Variants in DLG2 observed in about 807,000 individuals in gnomAD.
The protein encoded by DLG2 is disks large homolog 2.
Under a neutral mutation model 132.5 loss-of-function variants are expected in DLG2, and 45 were observed. The ratio of observed to expected loss-of-function variants is 0.34; its 90% confidence interval spans 0.27 to 0.44. The LOEUF (loss-of-function observed/expected upper bound fraction) is 0.44. Among genes scored for constraint, DLG2 ranks in the 20% least tolerant of loss-of-function variants. DLG2 has a pLI of 1.00. For missense variants in DLG2, 1,045 were observed against 1,196.9 expected (o/e 0.87, Z 1.87); for synonymous variants, 424 against 419.6 (o/e 1.01, Z -0.13).
chr11:84,681,155 G>C (rs1400038902), intron 6 of DLG2, among the ~76,000 whole-genome samples: 1 of 152,130 alleles, frequency 6.6e-6, no homozygotes, highest in Non-Finnish European at 1.5e-5. Context: ...AAGTCAATTT[G>C]AGAAATGTAT....
chr11:85,263,185 A>T (rs1260069869), intron 4 of DLG2, among the ~76,000 whole-genome samples: 3 of 152,240 alleles, frequency 2.0e-5, no homozygotes, highest in Non-Finnish European at 4.4e-5. Flanking sequence ...CTGCATGAGC[A>T]ACCCCAGGTC....
chr11:84,990,361 A>C (rs2154124717), intron 6 of DLG2, among the ~76,000 whole-genome samples: 1 of 152,328 alleles, frequency 6.6e-6, no homozygotes, highest in South Asian at 2.1e-4. Context: ...TCACAAAGGC[A>C]AAGCCCTCAT....
At chr11:84,040,771 G>A (rs2096054343) in intron 11 of DLG2, among the ~76,000 whole-genome samples, 1 of 151,130 alleles carries the variant, frequency 6.6e-6, no homozygotes, top group African/African-American at 2.4e-5. Flanking sequence ...GTCATTGGTA[G>A]CTTGATGGGG....
intron 3 of DLG2, among the ~76,000 whole-genome samples, chr11:85,347,841 T>A (rs1186169769): frequency 6.9e-6 from 1 of 145,124 alleles, no homozygotes; most frequent in Non-Finnish European, 1.5e-5. Flanking sequence ...TCTCACTCTG[T>A]CACCCAGGCT....
At chr11:83,499,851 A>C in intron 21 of DLG2, among the ~76,000 whole-genome samples, 1 of 56,388 alleles carries the variant, frequency 1.8e-5, no homozygotes, top group Non-Finnish European at 3.3e-5. Context: ...CACTAATAGG[A>C]GATATATATA....
chr11:84,603,322 TAAATGAAA>T (rs2099579988), intron 6 of DLG2, among the ~76,000 whole-genome samples: 1 of 151,956 alleles, frequency 6.6e-6, no homozygotes, highest in Admixed American at 6.6e-5. Context: ...TATATATTTC[TAAATGAAA>T]AAATGAATAA....
intron 9 of DLG2, among the ~76,000 whole-genome samples, chr11:84,132,931 T>C (rs2094471518): frequency 6.6e-6 from 1 of 151,962 alleles, no homozygotes; most frequent in South Asian, 2.1e-4. Context: ...AAACAGGAAA[T>C]GGAGAAAAGT....
intron 6 of DLG2, among the ~76,000 whole-genome samples, chr11:84,561,964 T>C (rs564234240): frequency 5.3e-4 from 81 of 152,254 alleles, no homozygotes; most frequent in African/African-American, 1.9e-3. Flanking sequence ...TTCTCAATCT[T>C]GATTTATACT....
intron 6 of DLG2, among the ~76,000 whole-genome samples, chr11:84,719,770 G>C (rs948261035): frequency 6.6e-6 from 1 of 152,106 alleles, no homozygotes; most frequent in Non-Finnish European, 1.5e-5. Context: ...TGTATAAAAG[G>C]GAAAAGCATG....
intron 21 of DLG2, among the ~76,000 whole-genome samples, chr11:83,528,993 C>T (rs912199957): frequency 3.3e-5 from 5 of 152,020 alleles, no homozygotes; most frequent in Admixed American, 1.3e-4. Context: ...TCTTATAGCT[C>T]GTGTACATAC....
intron 6 of DLG2, among the ~76,000 whole-genome samples, chr11:85,034,005 G>A (rs144575396): frequency 4.0e-4 from 61 of 152,148 alleles, no homozygotes; most frequent in Non-Finnish European, 7.1e-4. Flanking sequence ...AGGACTTTGG[G>A]GGTTCACTGT....
intron 6 of DLG2, among the ~76,000 whole-genome samples, chr11:85,063,292 C>T (rs1250007146): frequency 1.3e-5 from 2 of 151,862 alleles, no homozygotes; most frequent in Non-Finnish European, 2.9e-5. Flanking sequence ...ATACAAATCT[C>T]AGAGTTTTGA....
chr11:84,121,312 T>G (rs2093900140), intron 9 of DLG2, among the ~76,000 whole-genome samples: 1 of 152,206 alleles, frequency 6.6e-6, no homozygotes, highest in Non-Finnish European at 1.5e-5. Context: ...ATCTTGTTCA[T>G]AATACGTATC....
At chr11:83,876,986 T>A (rs750248991) in intron 15 of DLG2, among the ~76,000 whole-genome samples, 2 of 152,154 alleles carry the variant, frequency 1.3e-5, no homozygotes, top group Non-Finnish European at 2.9e-5. Flanking sequence ...TTATAAACAG[T>A]GCTGCAATGA....
At chr11:84,100,697 G>A (rs1480499340) in intron 9 of DLG2, among the ~76,000 whole-genome samples, 3 of 151,620 alleles carry the variant, frequency 2.0e-5, no homozygotes, top group African/African-American at 7.3e-5. Context: ...TCCACTCTTG[G>A]GTAAAAAGAG....
At chr11:85,186,899 A>G (rs1332627701) in intron 4 of DLG2, among the ~76,000 whole-genome samples, 2 of 152,152 alleles carry the variant, frequency 1.3e-5, no homozygotes, top group East Asian at 3.8e-4. Flanking sequence ...TAAGTTAAGA[A>G]TATACATTTT....
At chr11:84,262,171 C>T (rs1427513188) in intron 7 of DLG2, among the ~76,000 whole-genome samples, 1 of 152,116 alleles carries the variant, frequency 6.6e-6, no homozygotes, top group Non-Finnish European at 1.5e-5. Context: ...TACCCAAGAT[C>T]ACCAGACTAA....
intron 11 of DLG2, among the ~76,000 whole-genome samples, chr11:84,004,860 TA>T (rs2094503192): frequency 6.7e-6 from 1 of 149,368 alleles, no homozygotes; most frequent in Non-Finnish European, 1.5e-5. Context: ...CAAAGCAATC[TA>T]CAGATTCAAT....
At chr11:84,515,820 T>C (rs2099271058) in intron 7 of DLG2, among the ~76,000 whole-genome samples, 1 of 151,766 alleles carries the variant, frequency 6.6e-6, no homozygotes, top group Non-Finnish European at 1.5e-5. Flanking sequence ...TTTTCCAAAA[T>C]AGATCATGTG....
Sources: gnomAD v4.1 joint callset for allele counts (sites outside exome capture counted in the v4.1 genomes callset) on GRCh38, gnomAD v4.1.1 for gene constraint, MANE v1.5 for transcripts, NCBI Gene and HGNC (gene_info 2026-07-23, HGNC 2026-07-21) for gene names.